UPF1: variants seen among roughly 807,000 people sequenced by gnomAD.
UPF1 encodes regulator of nonsense transcripts 1.
Under a neutral mutation model 129.2 loss-of-function variants are expected in UPF1, and 9 were observed. The ratio of observed to expected loss-of-function variants is 0.07; its 90% confidence interval spans 0.04 to 0.12. UPF1 has a LOEUF of 0.12. UPF1 is among the 10% of genes least tolerant of loss of function. The probability of loss-of-function intolerance (pLI) is 1.00; values close to 1 mark genes in which losing one functional copy is unlikely to be tolerated. For synonymous variants in UPF1, 649 were observed against 644.9 expected, an observed-to-expected ratio of 1.01 and a Z score of -0.10; for missense variants, 788 against 1,525.3, an observed-to-expected ratio of 0.52 and a Z score of 8.05.
rs766914496 is a variant in UPF1, at chr19:18,850,291, G to A, written c.629+49G>A. The A allele has an allele frequency of 1.6e-5, 24 of 1,526,380 alleles. No individual in the cohort carries two copies. The highest frequency in any genetic ancestry group is 4.3e-5 in the Admixed American group (2 of 46,528). 94.6% of individuals were successfully genotyped at this position (1,526,380 alleles called of 1,614,324 possible). ...TGGGGGTGACCTTTAAGCTCCAGCC[G>A]TCTCCTCACAAGCCTTGGCCCAGCC... On this transcript the variant is annotated intron_variant, in intron 4 of 23. Coordinates refer to ENST00000262803, the MANE Select transcript of UPF1 (RefSeq NM_002911.4). The surrounding 1 kb of genome is among the most constrained non-coding windows in gnomAD (Gnocchi z 7.1).
At chr19:18,841,389 G>A (rs1204456131) in intron 1 of UPF1, among the ~76,000 whole-genome samples, 1 of 152,182 alleles carries the variant, frequency 6.6e-6, no homozygotes. Flanking sequence ...AGCAGAAAAG[G>A]GCGCCTGTCC....
intron 16 of UPF1, 72 bp from the exon 17 acceptor site, chr19:18,860,754 C>G: frequency 6.3e-7 from 1 of 1,584,400 alleles, no homozygotes; most frequent in Non-Finnish European, 8.6e-7. Context: ...TGTCTGCACC[C>G]CTCACGGCCT....
chr19:18,843,229 G>T (rs1174817080), intron 1 of UPF1, among the ~76,000 whole-genome samples: 4 of 152,230 alleles, frequency 2.6e-5, no homozygotes, highest in African/African-American at 9.6e-5. Flanking sequence ...CTCCTGGGGT[G>T]CAGGCTCCAT....
chr19:18,863,665 C>G, intron 19 of UPF1, 53 bp downstream of exon 19: 1 of 1,565,152 alleles, frequency 6.4e-7, no homozygotes. Flanking sequence ...GGGCCCAAAA[C>G]ACTGCTGGGA....
chr19:18,863,262 TG>T (rs2055801592), intron 18 of UPF1, 175 bp from the exon 19 acceptor site: 1 of 764,464 alleles, frequency 1.3e-6, no homozygotes, highest in Non-Finnish European at 2.1e-6. Flanking sequence ...GCAGGGTCAG[TG>T]GCTTGGCATT....
chr19:18,859,119 A>T (rs2055749414), intron 15 of UPF1, among the ~76,000 whole-genome samples: 1 of 152,194 alleles, frequency 6.6e-6, no homozygotes, highest in African/African-American at 2.4e-5. Flanking sequence ...GCGCATGGCA[A>T]GGCTGAAAAC....
chr19:18,835,490 C>T (rs2055474214), intron 1 of UPF1, among the ~76,000 whole-genome samples: 1 of 152,102 alleles, frequency 6.6e-6, no homozygotes, highest in African/African-American at 2.4e-5. Context: ...TACAGGTGCA[C>T]ACCACCATGC....
Position 18,850,587 on chromosome 19 carries a change from G to A in UPF1, c.630-101G>A, listed in dbSNP as rs574885198. 7.5e-6 allele frequency: 10 copies of A among 1,325,302 alleles called. No individual in the cohort carries two copies. The African/African-American group carries it at 1.2e-4, about 16-fold the overall frequency. The allele number at this position is 1,325,302 out of a possible 1,614,324, so 82.1% of individuals were successfully genotyped here. On this transcript the variant is annotated intron_variant, in intron 4 of 23. Transcript: ENST00000262803. This position sits in a 1 kb window ranked among gnomAD's most constrained non-coding sequence, Gnocchi z 7.1. ...ATGTGATCACATAATAAAATGCAGG[G>A]CATGCCCCTTTGGGTGAAAGGTCAG...
chr19:18,861,069 C>G, intron 17 of UPF1, 87 bp downstream of exon 17: 2 of 1,464,236 alleles, frequency 1.4e-6, no homozygotes, highest in Non-Finnish European at 1.8e-6. Context: ...CAAGAGGGGC[C>G]CGTCCTGGCT....
At chr19:18,863,692 C>A in intron 19 of UPF1, 80 bp downstream of exon 19, 2 of 1,310,064 alleles carry the variant, frequency 1.5e-6, no homozygotes, top group African/African-American at 1.5e-5. Flanking sequence ...CAGCTTGGCC[C>A]GTGTGCCCGT....
At chr19:18,840,671 A>G (rs1237587141) in intron 1 of UPF1, among the ~76,000 whole-genome samples, 2 of 152,140 alleles carry the variant, frequency 1.3e-5, no homozygotes, top group African/African-American at 4.8e-5. Flanking sequence ...CCCTGGCACC[A>G]GTGCTGTTCG....
intron 3 of UPF1, among the ~76,000 whole-genome samples, chr19:18,848,688 G>T (rs2055625872): frequency 6.6e-6 from 1 of 152,162 alleles, no homozygotes. Flanking sequence ...AGATGGAGCA[G>T]TCAGATCTCG....
rs1369716558 is a variant in UPF1, at chr19:18,846,023, G to A, written c.275G>A (p.Ser92Asn). The change falls in exon 2 of 24, where the codon AGT (serine) becomes AAT (asparagine). Residue 92 changes from serine (S) to asparagine (N), a missense_variant. This residue lies in a region of UPF1 where 112 missense variants were observed against 128.2 expected (regional missense o/e 0.87). Coordinates refer to ENST00000262803, the MANE Select transcript of UPF1 (RefSeq NM_002911.4). ...CTGCAGAACGGGGCTGTGGACGACA[G>A]TGTAGCCAAGACCAGCCAGTTGTTG... Reference protein sequence around the residue: ...GILQNGAVDDSVAKTSQLLAE... With the variant: ...GILQNGAVDDNVAKTSQLLAE... 2 of 1,614,200 alleles carry A rather than the reference G, an allele frequency of 1.2e-6. No individual in the cohort carries two copies. Among genetic ancestry groups the A allele is most frequent in the East Asian group, 2.2e-5 (1 of 44,886 alleles).
intron 1 of UPF1, among the ~76,000 whole-genome samples, chr19:18,834,776 T>C (rs2055466080): frequency 6.6e-6 from 1 of 152,074 alleles, no homozygotes; most frequent in Non-Finnish European, 1.5e-5. Context: ...TGCTAAGATA[T>C]TTGGGAAGAC....
At chr19:18,843,885 A>G (rs1481845937) in intron 1 of UPF1, among the ~76,000 whole-genome samples, 1 of 152,024 alleles carries the variant, frequency 6.6e-6, no homozygotes, top group Non-Finnish European at 1.5e-5. Context: ...AGCTGGGACT[A>G]CAAGTGTGCG....
In UPF1 at chr19:18,865,113, C is replaced by T. The variant is rs1318643175; in HGVS notation, c.2858-176C>T. ...CTCGGGGAAGGTGCCTGCCCAAGCA[C>T]CCAGCCCCAGGCAGGCTGCTGTAGT... is the stretch of plus-strand genomic sequence containing the variant. On this transcript the variant is annotated intron_variant, in intron 20 of 23. Transcript: ENST00000262803. This position sits in a 1 kb window ranked among gnomAD's most constrained non-coding sequence, Gnocchi z 6.1. 2.0e-5 allele frequency among the ~76,000 whole-genome samples: 3 copies of T among 152,254 alleles called. No homozygotes were observed. The highest frequency in any genetic ancestry group is 1.5e-5 in the Non-Finnish European group (1 of 68,040).
At chr19:18,861,131 CA>C in intron 17 of UPF1, 149 bp downstream of exon 17, 4 of 1,011,598 alleles carry the variant, frequency 4.0e-6, no homozygotes, top group Non-Finnish European at 5.6e-6. Context: ...CTGGGGAGGG[CA>C]CAGACAGCAC....
rs1054443996 is a variant in UPF1 at position 18,852,967 on chromosome 19, C to G, written c.973-20C>G. The G allele has an allele frequency of 1.9e-6, 3 of 1,608,382 alleles. No individual in the cohort carries two copies. Among genetic ancestry groups the G allele is most frequent in the Non-Finnish European group, 2.6e-6 (3 of 1,175,954 alleles). ...CCTGTGCTGGAGGCTAACCGGGGCT[C>G]TTGTTTTTCATGTGCTCAGACTCAA... On this transcript the variant is annotated intron_variant, in intron 6 of 23. Transcript: ENST00000262803.
chr19:18,855,005 G>T lies in UPF1; in HGVS notation c.1392G>T (p.Thr464=), dbSNP rs113067312. ...IIKCQLPKRF[T]AQGLPDLNHS... ...AGTGCCAGCTGCCCAAGCGCTTCAC[G>T]GCGCAGGGCCTCCCCGACCTCAACC... The change falls in exon 10 of 24, where the codon ACG becomes ACT. Residue 464 remains threonine (T), a synonymous_variant. Coordinates refer to ENST00000262803, the MANE Select transcript of UPF1 (RefSeq NM_002911.4). 1.9e-5 allele frequency: 30 copies of T among 1,613,958 alleles called. No individual in the cohort carries two copies. In the Admixed American group the frequency reaches 5.0e-4, roughly 27 times the overall value.
Sources: allele counts gnomAD v4.1 joint callset (sites outside exome capture counted in the v4.1 genomes callset), GRCh38; gene constraint gnomAD v4.1.1; regional missense constraint gnomAD v4.1.1; non-coding constraint Gnocchi (gnomAD v3.1); transcripts MANE v1.5; gene names NCBI Gene and HGNC (gene_info 2026-07-23, HGNC 2026-07-21).